Variants in PLXNA4 observed in about 807,000 individuals in gnomAD.
PLXNA4 encodes the protein plexin A4, also known as plexin-A4.
PLXNA4 carries 44 observed loss-of-function variants against 191.8 expected under a neutral mutation model. The observed-to-expected ratio is 0.23, with a 90% confidence interval of 0.18 to 0.29. The LOEUF (loss-of-function observed/expected upper bound fraction) is 0.29, where lower values mean the gene tolerates loss of function less well. Among genes scored for constraint, PLXNA4 ranks in the 10% least tolerant of loss-of-function variants. PLXNA4 has a pLI of 1.00. For synonymous variants in PLXNA4, 1,082 were observed against 1,009.5 expected, an observed-to-expected ratio of 1.07 and a Z score of -1.36; for missense variants, 1,800 against 2,488.8, an observed-to-expected ratio of 0.72 and a Z score of 5.89.
chr7:132,162,480 G>A (rs1379520111), intron 24 of PLXNA4, among the ~76,000 whole-genome samples: 1 of 152,182 alleles, frequency 6.6e-6, no homozygotes, highest in Non-Finnish European at 1.5e-5. Flanking sequence ...GCAATTTGGG[G>A]ACAGAACATT....
intron 3 of PLXNA4, among the ~76,000 whole-genome samples, chr7:132,371,021 G>A (rs1804416438): frequency 6.6e-6 from 1 of 152,188 alleles, no homozygotes; most frequent in African/African-American, 2.4e-5. Context: ...AGGTCAGGGG[G>A]CACAAGAAGA....
intron 3 of PLXNA4, among the ~76,000 whole-genome samples, chr7:132,361,837 G>A (rs186825204): frequency 2.0e-5 from 3 of 152,142 alleles, no homozygotes; most frequent in Admixed American, 2.0e-4. Context: ...GTGTGTGTGT[G>A]TGCACGCGTG....
chr7:132,385,278 GAGGCTGGTAC>G lies in PLXNA4; in HGVS notation c.1372-87066_1372-87057del, dbSNP rs1805077277. ...CCGTCTGTAGCTCAAGGGTAGGGCAGAGGCTGGTACCAGGCATCTGGAAAAGATGAAACCT... is the reference window on the plus strand; with the variant it reads ...CCGTCTGTAGCTCAAGGGTAGGGCAGCAGGCATCTGGAAAAGATGAAACCT... On this transcript the variant is annotated intron_variant, in intron 3 of 31. Coordinates refer to ENST00000321063, the MANE Select transcript of PLXNA4 (RefSeq NM_020911.2). The G allele has an allele frequency of 3.1e-6, 5 of 1,613,602 alleles. No individual in the cohort carries two copies. The South Asian group carries it at 5.5e-5, about 18-fold the overall frequency.
intron 3 of PLXNA4, among the ~76,000 whole-genome samples, chr7:132,355,868 C>T (rs746556961): frequency 3.3e-5 from 5 of 151,710 alleles, no homozygotes; most frequent in East Asian, 3.9e-4. Flanking sequence ...GTAAAGTGTA[C>T]GAGGAGGTAG....
At chr7:132,338,140 G>C (rs1357355812) in intron 3 of PLXNA4, among the ~76,000 whole-genome samples, 1 of 152,068 alleles carries the variant, frequency 6.6e-6, no homozygotes, top group East Asian at 1.9e-4. Context: ...CTGTGCTGAG[G>C]GTATGCTCTT....
intron 5 of PLXNA4, among the ~76,000 whole-genome samples, chr7:132,238,171 T>C (rs1161804819): frequency 6.6e-6 from 1 of 152,214 alleles, no homozygotes; most frequent in Non-Finnish European, 1.5e-5. Flanking sequence ...ATAGTGCTGT[T>C]GGCAGTGAGG....
Position 132,125,005 on chromosome 7 carries a change from A to AAAT in PLXNA4, c.*5473_*5474insATT, listed in dbSNP as rs982822752. The AAAT allele has an allele frequency of 2.3e-4, 35 of 151,836 alleles. No homozygotes were observed. Among genetic ancestry groups the AAAT allele is most frequent in the African/African-American group, 8.0e-4 (33 of 41,382 alleles). The allele number at this position is 151,836 out of a possible 1,614,324, so 9.4% of individuals were successfully genotyped here. On this transcript the variant is annotated 3_prime_UTR_variant, in exon 32 of 32. Transcript: ENST00000321063. ...AAAACTTGGATACTCCCTCTAATAA[A>AAAT]ATAATTTTATGGGGGAGCAAAAATT...
intron 3 of PLXNA4, among the ~76,000 whole-genome samples, chr7:132,466,072 CT>C (rs1796688411): frequency 6.6e-6 from 1 of 152,194 alleles, no homozygotes; most frequent in African/African-American, 2.4e-5. Context: ...CTCAGCTCAG[CT>C]TCTCCCCTCA....
At chr7:132,377,422 G>GAAAAAAAAAAAAAAAAGAAAAA (rs1804702736) in intron 3 of PLXNA4, among the ~76,000 whole-genome samples, 1 of 86,478 alleles carries the variant, frequency 1.2e-5, no homozygotes, top group Non-Finnish European at 2.5e-5. Context: ...AAATGAAAAA[G>GAAAAAAAAAAAAAAAAGAAAAA]AAAAAAAAAA....
intron 2 of PLXNA4, among the ~76,000 whole-genome samples, chr7:132,602,233 T>G (rs1466986891): frequency 1.3e-5 from 2 of 152,212 alleles, no homozygotes; most frequent in African/African-American, 4.8e-5. Context: ...ATGAGAACTT[T>G]GTCCACCCTT....
At chr7:132,262,987 G>T (rs182489212) in intron 4 of PLXNA4, among the ~76,000 whole-genome samples, 1 of 152,172 alleles carries the variant, frequency 6.6e-6, no homozygotes. Flanking sequence ...CCTCTTACTA[G>T]GGGGGTTGAA....
chr7:132,278,150 A>T (rs976251086), intron 4 of PLXNA4, among the ~76,000 whole-genome samples: 11 of 152,264 alleles, frequency 7.2e-5, no homozygotes. Context: ...GCCAAATAAC[A>T]TACAATCTGT....
At chr7:132,442,702 ACCAAG>A (rs1795742487) in intron 3 of PLXNA4, among the ~76,000 whole-genome samples, 1 of 152,188 alleles carries the variant, frequency 6.6e-6, no homozygotes, top group Non-Finnish European at 1.5e-5. Context: ...TGGAAAACTG[ACCAAG>A]ACAAAAAACA....
chr7:132,597,755 T>G (rs899802286), intron 2 of PLXNA4, among the ~76,000 whole-genome samples: 2 of 152,194 alleles, frequency 1.3e-5, no homozygotes, highest in Non-Finnish European at 2.9e-5. Flanking sequence ...AATTTTAATT[T>G]ACATACATAT....
chr7:132,643,923 G>T (rs1230463734), intron 2 of PLXNA4, among the ~76,000 whole-genome samples: 2 of 152,092 alleles, frequency 1.3e-5, no homozygotes, highest in African/African-American at 2.4e-5. Flanking sequence ...CTACACTCCA[G>T]CCTGGGTGAA....
chr7:132,307,340 G>A (rs1246312678), intron 3 of PLXNA4, among the ~76,000 whole-genome samples: 1 of 151,772 alleles, frequency 6.6e-6, no homozygotes, highest in Admixed American at 6.6e-5. Flanking sequence ...TGTGTCCTGC[G>A]TTCATTTATG....
chr7:132,535,110 A>G (rs1171829597), intron 1 of PLXNA4, among the ~76,000 whole-genome samples: 2 of 152,228 alleles, frequency 1.3e-5, no homozygotes, highest in Non-Finnish European at 2.9e-5. Flanking sequence ...GATCTTCATC[A>G]TCCATATTAC....
Position 132,129,001 on chromosome 7 carries a change from G to T in PLXNA4, c.*1478C>A, listed in dbSNP as rs1363799664. The T allele has an allele frequency of 6.6e-6, 1 of 152,238 alleles. No individual in the cohort carries two copies. The highest frequency in any genetic ancestry group is 6.5e-5 in the Admixed American group (1 of 15,290). The allele number at this position is 152,238 out of a possible 1,614,324, so 9.4% of individuals were successfully genotyped here. A position where few individuals can be genotyped will look rare whatever the true frequency, so the allele number is the denominator to read the frequency against. The stretch of plus-strand genomic sequence containing the variant: ...TCTCCCCATAGCCTCTGCTTACCTA[G>T]TATCAATTTCTAGGCACACATTTGC... On this transcript the variant is annotated 3_prime_UTR_variant, in exon 32 of 32. Coordinates refer to ENST00000321063, the MANE Select transcript of PLXNA4 (RefSeq NM_020911.2).
intron 1 of PLXNA4, among the ~76,000 whole-genome samples, chr7:132,510,778 G>C (rs551208723): frequency 4.5e-4 from 69 of 152,160 alleles, no homozygotes; most frequent in Non-Finnish European, 5.3e-4. Flanking sequence ...TAGGGGAGGG[G>C]TCTACATAGC....
Sources: gnomAD v4.1 joint callset for allele counts (sites outside exome capture counted in the v4.1 genomes callset) on GRCh38, gnomAD v4.1.1 for gene constraint, MANE v1.5 for transcripts, NCBI Gene and HGNC (gene_info 2026-07-23, HGNC 2026-07-21) for gene names.